Variants in CNTN5 observed in about 807,000 individuals in gnomAD.
The protein encoded by CNTN5 is contactin 5.
In CNTN5, 77 loss-of-function variants were observed where a neutral mutation model predicts 129.1. The ratio of observed to expected loss-of-function variants is 0.60; its 90% CI spans 0.50 to 0.72. The LOEUF (loss-of-function observed/expected upper bound fraction) is 0.72, where lower values mean the gene tolerates loss of function less well. Among genes scored for constraint, CNTN5 ranks in the 30% least tolerant of loss-of-function variants. The pLI is 0.00. For synonymous variants in CNTN5, 509 were observed against 465.6 expected (o/e 1.09, Z -1.20); for missense variants, 1,478 against 1,328.8 (o/e 1.11, Z -1.75).
intron 1 of CNTN5, among the ~76,000 whole-genome samples, chr11:99,240,783 A>G (rs1420507145): frequency 1.3e-5 from 2 of 152,222 alleles, no homozygotes; most frequent in African/African-American, 4.8e-5. Flanking sequence ...ATAAAAGAAA[A>G]CAAAATCCTT....
intron 13 of CNTN5, among the ~76,000 whole-genome samples, chr11:100,085,891 C>A (rs1006134113): frequency 2.0e-5 from 3 of 151,926 alleles, no homozygotes; most frequent in Non-Finnish European, 4.4e-5. Context: ...GATAAGCTTC[C>A]TGGGGGAACT....
intron 1 of CNTN5, among the ~76,000 whole-genome samples, chr11:99,044,531 T>G (rs553626296): frequency 1.3e-5 from 2 of 152,246 alleles, no homozygotes; most frequent in African/African-American, 4.8e-5. Context: ...CCTACAAGTA[T>G]ACACAGCAGT....
At chr11:100,204,448 A>T (rs1411949164) in intron 15 of CNTN5, among the ~76,000 whole-genome samples, 1 of 148,428 alleles carries the variant, frequency 6.7e-6, no homozygotes, top group East Asian at 2.0e-4. Context: ...AGATCTATAG[A>T]TATAGATCTG....
Position 100,356,961 on chromosome 11 carries a change from AT to A in CNTN5, c.*746del. 1 of 151,874 alleles carries A rather than the reference AT, an allele frequency of 6.6e-6. No homozygotes were observed. The highest frequency in any genetic ancestry group is 1.9e-4 in the East Asian group (1 of 5,170). 9.4% of individuals were successfully genotyped at this position (151,874 alleles called of 1,614,324 possible). On this transcript the variant is annotated 3_prime_UTR_variant, in exon 25 of 25. Coordinates refer to ENST00000524871, the MANE Select transcript of CNTN5 (RefSeq NM_014361.4). Reference sequence around the variant, plus strand: ...CTAGCAGCAAATATAATAAATATTTATTTTTAATAACAAAAGATGGTTTAAC... The same window carrying A: ...CTAGCAGCAAATATAATAAATATTTATTTTAATAACAAAAGATGGTTTAAC...
chr11:99,139,500 TA>T (rs746747682), intron 1 of CNTN5, among the ~76,000 whole-genome samples: 1 of 152,176 alleles, frequency 6.6e-6, no homozygotes, highest in South Asian at 2.1e-4. Context: ...CTAAGCATTT[TA>T]AAAAATCAGT....
At chr11:99,697,324 A>AG (rs931582064) in intron 3 of CNTN5, among the ~76,000 whole-genome samples, 1 of 151,904 alleles carries the variant, frequency 6.6e-6, no homozygotes, top group African/African-American at 2.4e-5. Context: ...GGGGAGAGAG[A>AG]GAGAGAGAAA....
intron 4 of CNTN5, among the ~76,000 whole-genome samples, chr11:99,828,318 G>C (rs1394010816): frequency 6.6e-6 from 1 of 152,094 alleles, no homozygotes; most frequent in Non-Finnish European, 1.5e-5. Context: ...TATGCCACAG[G>C]CTGGGTAATT....
At chr11:99,602,666 T>A (rs1434879909) in intron 3 of CNTN5, among the ~76,000 whole-genome samples, 5 of 147,718 alleles carry the variant, frequency 3.4e-5, no homozygotes, top group African/African-American at 1.0e-4. Context: ...AAAAAAAAAA[T>A]GTATCAAAAA....
At chr11:99,024,196 C>G (rs1411065341) in intron 1 of CNTN5, among the ~76,000 whole-genome samples, 2 of 152,122 alleles carry the variant, frequency 1.3e-5, no homozygotes, top group African/African-American at 4.8e-5. Flanking sequence ...TTCCATCTCC[C>G]TACCCACTCA....
chr11:99,434,921 G>A (rs530402205), intron 2 of CNTN5, among the ~76,000 whole-genome samples: 6 of 152,216 alleles, frequency 3.9e-5, no homozygotes, highest in Admixed American at 1.3e-4. Context: ...TATTTGGTAC[G>A]TATGATTTAA....
intron 9 of CNTN5, among the ~76,000 whole-genome samples, chr11:100,006,458 G>T (rs568113017): frequency 6.6e-6 from 1 of 152,196 alleles, no homozygotes; most frequent in African/African-American, 2.4e-5. Flanking sequence ...TAATGGTCCA[G>T]ATCCTTTGTT....
intron 2 of CNTN5, among the ~76,000 whole-genome samples, chr11:99,413,699 G>A (rs1942506021): frequency 6.6e-6 from 1 of 151,976 alleles, no homozygotes; most frequent in African/African-American, 2.4e-5. Context: ...CAGTAATCTT[G>A]TTTCAAAATT....
At chr11:99,295,253 A>G (rs1864335108) in intron 1 of CNTN5, among the ~76,000 whole-genome samples, 1 of 152,260 alleles carries the variant, frequency 6.6e-6, no homozygotes, top group Non-Finnish European at 1.5e-5. Flanking sequence ...TTGACTAAGT[A>G]GTATTTTCAT....
At chr11:100,177,712 G>A (rs17094519) in intron 13 of CNTN5, among the ~76,000 whole-genome samples, 4,703 of 152,192 alleles carry the variant, frequency 0.031, 246 homozygotes, top group African/African-American at 0.11. Context: ...TATTTCATCT[G>A]CCAAAACAGG....
chr11:99,191,048 T>C (rs1328254179), intron 1 of CNTN5, among the ~76,000 whole-genome samples: 1 of 151,518 alleles, frequency 6.6e-6, no homozygotes, highest in Admixed American at 6.6e-5. Context: ...GTGTTTATCA[T>C]AAAAGGATGT....
intron 1 of CNTN5, among the ~76,000 whole-genome samples, chr11:99,301,166 G>T (rs1452779126): frequency 2.0e-5 from 3 of 151,534 alleles, no homozygotes; most frequent in East Asian, 3.9e-4. Flanking sequence ...TGACACAAAA[G>T]TAGGCAAGAA....
chr11:99,866,237 C>A (rs1431245246), intron 6 of CNTN5, among the ~76,000 whole-genome samples: 1 of 152,124 alleles, frequency 6.6e-6, no homozygotes, highest in African/African-American at 2.4e-5. Context: ...TTTTTTCCCC[C>A]AGCACTCAGA....
At chr11:99,296,539 C>A (rs565282969) in intron 1 of CNTN5, among the ~76,000 whole-genome samples, 1 of 152,268 alleles carries the variant, frequency 6.6e-6, no homozygotes, top group South Asian at 2.1e-4. Flanking sequence ...CTGCAAATGA[C>A]AATTGAATAA....
intron 13 of CNTN5, among the ~76,000 whole-genome samples, chr11:100,155,773 T>C (rs1307020675): frequency 1.3e-5 from 2 of 152,122 alleles, no homozygotes; most frequent in Non-Finnish European, 2.9e-5. Context: ...TATTTCTTTG[T>C]AGAAATTGTC....
Sources: allele counts gnomAD v4.1 joint callset (sites outside exome capture counted in the v4.1 genomes callset), GRCh38; gene constraint gnomAD v4.1.1; transcripts MANE v1.5; gene names NCBI Gene and HGNC (gene_info 2026-07-23, HGNC 2026-07-21).